BMPR1B: variants seen among roughly 807,000 people sequenced by gnomAD.
BMPR1B encodes the protein bone morphogenetic protein receptor type-1B.
BMPR1B carries 12 observed loss-of-function variants against 59.1 expected under a neutral mutation model. The observed-to-expected ratio is 0.20, with a 90% CI of 0.13 to 0.33. The LOEUF is 0.33. Ranked by LOEUF, BMPR1B falls within the 10% of genes least tolerant of loss-of-function variation. BMPR1B has a pLI of 1.00. For missense variants in BMPR1B, 550 were observed against 610.9 expected, an observed-to-expected ratio of 0.90 and a Z score of 1.05; for synonymous variants, 237 against 207.3, an observed-to-expected ratio of 1.14 and a Z score of -1.23.
chr4:94,810,643 T>C (rs11935769), intron 1 of BMPR1B, among the ~76,000 whole-genome samples: 7,098 of 152,294 alleles, frequency 0.047, 345 homozygotes, highest in African/African-American at 0.12. Flanking sequence ...TGAAAAAGTA[T>C]GGTCTCAAAA....
At chr4:95,037,461 G>T (rs1322820511) in intron 3 of BMPR1B, among the ~76,000 whole-genome samples, 2 of 152,266 alleles carry the variant, frequency 1.3e-5, no homozygotes, top group East Asian at 3.9e-4. Context: ...TGTGTGAATG[G>T]AAAAGGAAAA....
chr4:94,970,776 T>G (rs1411649929), intron 2 of BMPR1B, among the ~76,000 whole-genome samples: 1 of 152,230 alleles, frequency 6.6e-6, no homozygotes, highest in Non-Finnish European at 1.5e-5. Context: ...CTATCATTTC[T>G]TTGTTTTGGG....
intron 1 of BMPR1B, among the ~76,000 whole-genome samples, chr4:94,835,914 C>A (rs1246393282): frequency 7.6e-6 from 1 of 131,360 alleles, no homozygotes; most frequent in Non-Finnish European, 1.6e-5. Context: ...CCCCCCTCCC[C>A]CCACCCCACA....
intron 2 of BMPR1B, among the ~76,000 whole-genome samples, chr4:94,974,528 C>A (rs886126552): frequency 6.6e-6 from 1 of 152,078 alleles, no homozygotes; most frequent in Non-Finnish European, 1.5e-5. Flanking sequence ...TTTGTAGACT[C>A]CTTTTATGTT....
At chr4:94,877,676 C>T (rs190527505) in intron 2 of BMPR1B, among the ~76,000 whole-genome samples, 1 of 152,250 alleles carries the variant, frequency 6.6e-6, no homozygotes, top group East Asian at 1.9e-4. Context: ...AATGGCTCAG[C>T]AGGTAAATTA....
At chr4:94,808,815 G>A (rs1010419564) in intron 1 of BMPR1B, among the ~76,000 whole-genome samples, 5 of 152,150 alleles carry the variant, frequency 3.3e-5, no homozygotes, top group Non-Finnish European at 5.9e-5. Flanking sequence ...CCAGCACTTT[G>A]GGAGGCCAAG....
rs149452659 is a variant in BMPR1B, at chr4:94,960,282, C to T, written c.-112-35758C>T. On this transcript the variant is annotated intron_variant, in intron 2 of 12. Coordinates refer to ENST00000515059, the MANE Select transcript of BMPR1B (RefSeq NM_001203.3). ...CTGTAGTATTAAGACTCTTGTTTAT[C>T]ATAAGCATAATTTCACAGCATAAAT... Among the ~76,000 whole-genome samples, 707 of 152,258 alleles carry T rather than the reference C, an allele frequency of 4.6e-3. 7 individuals carry two copies. The highest frequency in any genetic ancestry group is 0.018 in the South Asian group (88 of 4,834).
chr4:94,920,641 A>T (rs1728654665), intron 2 of BMPR1B, among the ~76,000 whole-genome samples: 1 of 152,228 alleles, frequency 6.6e-6, no homozygotes, highest in Non-Finnish European at 1.5e-5. Flanking sequence ...TACTAAAAAA[A>T]GTCCTGGTTA....
chr4:95,153,549 A>G (rs1472050137), intron 12 of BMPR1B, among the ~76,000 whole-genome samples: 2 of 152,184 alleles, frequency 1.3e-5, no homozygotes, highest in East Asian at 3.8e-4. Flanking sequence ...TGTAAAAGCC[A>G]TTTAAATATA....
At chr4:94,887,431 C>G (rs1578763450) in intron 2 of BMPR1B, among the ~76,000 whole-genome samples, 1 of 86,334 alleles carries the variant, frequency 1.2e-5, no homozygotes, top group African/African-American at 4.7e-5. Context: ...AAACAAGAAG[C>G]AGAAGAAAAC....
At chr4:94,839,415 C>T (rs1173626372) in intron 1 of BMPR1B, among the ~76,000 whole-genome samples, 1 of 146,866 alleles carries the variant, frequency 6.8e-6, no homozygotes, top group Non-Finnish European at 1.5e-5. Flanking sequence ...GTAGGTCACT[C>T]AGGACTTGCT....
At chr4:94,817,138 C>T (rs991765176) in intron 1 of BMPR1B, among the ~76,000 whole-genome samples, 2 of 152,200 alleles carry the variant, frequency 1.3e-5, no homozygotes, top group East Asian at 1.9e-4. Context: ...CAGCTCTCAT[C>T]AGCCCTTGAC....
chr4:94,942,734 A>C (rs1437126464), intron 2 of BMPR1B, among the ~76,000 whole-genome samples: 1 of 152,238 alleles, frequency 6.6e-6, no homozygotes, highest in Non-Finnish European at 1.5e-5. Context: ...TTCTGGCCTC[A>C]GAGTACAACT....
intron 3 of BMPR1B, among the ~76,000 whole-genome samples, chr4:95,023,406 G>C (rs1480892730): frequency 6.6e-6 from 1 of 152,148 alleles, no homozygotes; most frequent in African/African-American, 2.4e-5. Flanking sequence ...TTATGAGACA[G>C]AGTCTTGCTC....
chr4:95,133,537 T>C (rs997804732), intron 10 of BMPR1B, among the ~76,000 whole-genome samples: 10 of 152,188 alleles, frequency 6.6e-5, no homozygotes, highest in Admixed American at 5.9e-4. Flanking sequence ...AGATCACAAC[T>C]ACTGATCTTC....
intron 1 of BMPR1B, among the ~76,000 whole-genome samples, chr4:94,780,829 T>C (rs1435190921): frequency 2.0e-5 from 3 of 151,660 alleles, no homozygotes; most frequent in South Asian, 2.1e-4. Flanking sequence ...GCTGGGACTA[T>C]AGGTGCCCAC....
intron 1 of BMPR1B, among the ~76,000 whole-genome samples, chr4:94,780,114 T>A (rs1487362073): frequency 6.6e-6 from 1 of 152,204 alleles, no homozygotes; most frequent in East Asian, 1.9e-4. Flanking sequence ...TGCTAATGTC[T>A]CATTTAGGAT....
chr4:95,044,710 G>C (rs1233905816), intron 3 of BMPR1B, among the ~76,000 whole-genome samples: 5 of 152,140 alleles, frequency 3.3e-5, no homozygotes, highest in Non-Finnish European at 7.3e-5. Flanking sequence ...CTTTCACTCT[G>C]CAGCTGAAGG....
rs527848900 is a variant in BMPR1B, at chr4:95,136,632, G to T, written c.1076+5120G>T. ...AGGGATTCAGCTTCTTCCTGGTTTAGTCTTGGGAGGGTGTATGTGTCGAGG... is the reference window on the plus strand; with the variant it reads ...AGGGATTCAGCTTCTTCCTGGTTTATTCTTGGGAGGGTGTATGTGTCGAGG... On this transcript the variant is annotated intron_variant, in intron 10 of 12. Coordinates refer to ENST00000515059, the MANE Select transcript of BMPR1B (RefSeq NM_001203.3). Among the ~76,000 whole-genome samples the T allele has an allele frequency of 2.0e-5, 3 of 152,290 alleles. No homozygotes were observed. The East Asian group carries it at 5.8e-4, about 29-fold the overall frequency.
Sources: gnomAD v4.1 joint callset for allele counts (sites outside exome capture counted in the v4.1 genomes callset) on GRCh38, gnomAD v4.1.1 for gene constraint, MANE v1.5 for transcripts, NCBI Gene and HGNC (gene_info 2026-07-23, HGNC 2026-07-21) for gene names.